Variants in STARD6 observed in about 807,000 individuals in gnomAD.
STARD6 encodes StAR related lipid transfer domain containing 6.
Under a neutral mutation model 22.3 loss-of-function variants are expected in STARD6, and 21 were observed. That is an observed-to-expected ratio of 0.94 (90% CI 0.67 to 1.35). STARD6 has a LOEUF of 1.35. Among genes scored for constraint, STARD6 ranks in the 40% most tolerant of loss-of-function variants. STARD6 has a pLI of 0.00. For synonymous variants in STARD6, 80 were observed against 88.1 expected (o/e 0.91, Z 0.52); for missense variants, 269 against 266.9 (o/e 1.01, Z -0.05).
intron 4 of STARD6, among the ~76,000 whole-genome samples, chr18:54,347,556 TTAAG>T (rs1217486506): frequency 1.3e-5 from 2 of 152,146 alleles, no homozygotes; most frequent in Admixed American, 6.5e-5. Flanking sequence ...TTTTCATTCC[TTAAG>T]TTTTTCATAA....
intron 4 of STARD6, among the ~76,000 whole-genome samples, chr18:54,337,653 T>C (rs1009211213): frequency 9.2e-5 from 14 of 152,206 alleles, no homozygotes; most frequent in African/African-American, 3.1e-4. Context: ...TGTGCTATAA[T>C]GACAGAATTG....
chr18:54,344,570 T>TA (rs1219611393), intron 4 of STARD6, among the ~76,000 whole-genome samples: 1 of 26,462 alleles, frequency 3.8e-5, no homozygotes. Flanking sequence ...GAATTATCAA[T>TA]AAAAAAATAA....
chr18:54,347,925 G>C (rs895082002), intron 4 of STARD6, among the ~76,000 whole-genome samples: 1 of 152,216 alleles, frequency 6.6e-6, no homozygotes, highest in African/African-American at 2.4e-5. Flanking sequence ...GAGAGACCTG[G>C]TGGAAGATAA....
chr18:54,352,939 C>T (rs2089111340), intron 4 of STARD6, among the ~76,000 whole-genome samples: 1 of 152,138 alleles, frequency 6.6e-6, no homozygotes, highest in Non-Finnish European at 1.5e-5. Context: ...AGTTAATTCC[C>T]CTAGTGTACC....
At chr18:54,333,689 C>T (rs1670112263) in intron 5 of STARD6, among the ~76,000 whole-genome samples, 1 of 152,168 alleles carries the variant, frequency 6.6e-6, no homozygotes, top group East Asian at 1.9e-4. Flanking sequence ...ACAGATTTAC[C>T]TTCATGGGCT....
At chr18:54,344,792 A>C (rs1240712145) in intron 4 of STARD6, among the ~76,000 whole-genome samples, 1 of 152,116 alleles carries the variant, frequency 6.6e-6, no homozygotes, top group Non-Finnish European at 1.5e-5. Flanking sequence ...TAGACTAAAC[A>C]ACAAAACCAC....
chr18:54,325,244 C>CTA (rs1408919466), intron 7 of STARD6, among the ~76,000 whole-genome samples: 22 of 151,844 alleles, frequency 1.4e-4, no homozygotes, highest in South Asian at 4.2e-4. Context: ...CTTTCTCTCT[C>CTA]TCTATATATA....
intron 4 of STARD6, among the ~76,000 whole-genome samples, chr18:54,341,446 C>T (rs555298528): frequency 8.5e-5 from 13 of 152,226 alleles, no homozygotes; most frequent in African/African-American, 2.9e-4. Flanking sequence ...TAAGAGACAC[C>T]TATGGAACAC....
At chr18:54,346,309 G>C (rs566901049) in intron 4 of STARD6, among the ~76,000 whole-genome samples, 3 of 152,192 alleles carry the variant, frequency 2.0e-5, no homozygotes, top group Admixed American at 6.5e-5. Flanking sequence ...GTAAGAAGAA[G>C]CTTATGGTCA....
chr18:54,331,844 G>A lies in STARD6; in HGVS notation c.283C>T (p.His95Tyr). The change falls in exon 6 of 8, where the codon CAT (histidine) becomes TAT (tyrosine). Residue 95 changes from histidine (H) to tyrosine (Y), a missense_variant. By Grantham distance (83) the His-to-Tyr change is moderately conservative. Transcript: ENST00000307844. Reference sequence around the variant, plus strand: ...ACGGCAAAACTTTGTGTAATGGTATGACATATGAATGTGTCCTGCAACAAA... The same window carrying A: ...ACGGCAAAACTTTGTGTAATGGTATAACATATGAATGTGTCCTGCAACAAA... ...HRIDSDTFIC[H>Y]TITQSFAVGS... 1 of 1,609,218 alleles carries A rather than the reference G, an allele frequency of 6.2e-7. No homozygotes were observed. The highest frequency in any genetic ancestry group is 8.5e-7 in the Non-Finnish European group (1 of 1,176,182).
chr18:54,332,751 C>T (rs1010503053), intron 5 of STARD6, among the ~76,000 whole-genome samples: 3 of 152,132 alleles, frequency 2.0e-5, no homozygotes, highest in Admixed American at 1.3e-4. Context: ...AGTTAAGACA[C>T]ATCCTTGACC....
At chr18:54,325,784 A>C (rs949746372) in intron 7 of STARD6, among the ~76,000 whole-genome samples, 3 of 152,116 alleles carry the variant, frequency 2.0e-5, no homozygotes, top group Admixed American at 2.0e-4. Flanking sequence ...TCCTTGCCTC[A>C]AGCGATCCTC....
chr18:54,349,360 C>T (rs2089071976), intron 4 of STARD6, among the ~76,000 whole-genome samples: 2 of 152,082 alleles, frequency 1.3e-5, no homozygotes, highest in African/African-American at 4.8e-5. Context: ...ACTAAGAAGG[C>T]TCTGAGATGG....
At chr18:54,330,337 G>T (rs912521440) in intron 6 of STARD6, among the ~76,000 whole-genome samples, 3 of 151,926 alleles carry the variant, frequency 2.0e-5, no homozygotes, top group South Asian at 4.2e-4. Context: ...TTTTTTCCCT[G>T]TTTGAAATAT....
chr18:54,349,285 A>C (rs2089070391), intron 4 of STARD6, among the ~76,000 whole-genome samples: 1 of 152,124 alleles, frequency 6.6e-6, no homozygotes, highest in Non-Finnish European at 1.5e-5. Flanking sequence ...TGACATCTTG[A>C]ACATAAAAAT....
chr18:54,331,352 T>A (rs1474720734), intron 6 of STARD6, among the ~76,000 whole-genome samples: 1 of 152,210 alleles, frequency 6.6e-6, no homozygotes, highest in Non-Finnish European at 1.5e-5. Flanking sequence ...AGCCATCTAG[T>A]GGAAATTTCT....
At chr18:54,338,633 TAAAA>T (rs35102950) in intron 4 of STARD6, among the ~76,000 whole-genome samples, 1 of 148,666 alleles carries the variant, frequency 6.7e-6, no homozygotes, top group Non-Finnish European at 1.5e-5. Context: ...AACGTTGTTT[TAAAA>T]AAAAAACTGC....
chr18:54,343,506 C>A (rs1420867444), intron 4 of STARD6, among the ~76,000 whole-genome samples: 1 of 89,278 alleles, frequency 1.1e-5, no homozygotes, highest in African/African-American at 4.9e-5. Context: ...AAGTGAGGAG[C>A]CCCTCTGCCC....
chr18:54,332,419 C>G (rs1382464631), intron 5 of STARD6, among the ~76,000 whole-genome samples: 1 of 152,166 alleles, frequency 6.6e-6, no homozygotes, highest in Admixed American at 6.5e-5. Context: ...AGGACCAGCA[C>G]AGTTACTATT....
Sources: gnomAD v4.1 joint callset for allele counts (sites outside exome capture counted in the v4.1 genomes callset) on GRCh38, gnomAD v4.1.1 for gene constraint, MANE v1.5 for transcripts, NCBI Gene and HGNC (gene_info 2026-07-23, HGNC 2026-07-21) for gene names.